HPN: variants seen among roughly 807,000 people sequenced by gnomAD.
The protein encoded by HPN is serine protease hepsin.
A neutral mutation model predicts 55.9 loss-of-function variants in HPN; 13 were observed. The ratio of observed to expected loss-of-function variants is 0.23; its 90% confidence interval spans 0.15 to 0.37. The LOEUF (loss-of-function observed/expected upper bound fraction) is 0.37, where lower values mean the gene tolerates loss of function less well. HPN is among the 10% of genes least tolerant of loss of function. The pLI, the probability that HPN is intolerant of heterozygous loss-of-function variation, is 1.00. For synonymous variants in HPN, 225 were observed against 240.3 expected, an observed-to-expected ratio of 0.94 and a Z score of 0.59; for missense variants, 451 against 575.8, an observed-to-expected ratio of 0.78 and a Z score of 2.22.
chr19:35,059,566 T>C (rs756064133), intron 4 of HPN, 107 bp from the exon 5 acceptor site: 82 of 1,421,726 alleles, frequency 5.8e-5, no homozygotes, highest in Non-Finnish European at 7.2e-5. Flanking sequence ...GGGGTTCACG[T>C]CTACACCACA....
intron 2 of HPN, among the ~76,000 whole-genome samples, chr19:35,048,727 C>T (rs2151756134): frequency 6.6e-6 from 1 of 152,078 alleles, no homozygotes; most frequent in Admixed American, 6.5e-5. Flanking sequence ...GACCACGTCG[C>T]TAAAAAAATT....
chr19:35,063,877 A>G (rs1316365229), intron 9 of HPN, among the ~76,000 whole-genome samples: 3 of 152,148 alleles, frequency 2.0e-5, no homozygotes. Flanking sequence ...AGTTTCCCTT[A>G]TCTGTAAAAT....
intron 9 of HPN, among the ~76,000 whole-genome samples, chr19:35,062,286 A>T (rs1212567092): frequency 2.0e-5 from 3 of 152,192 alleles, no homozygotes; most frequent in Non-Finnish European, 4.4e-5. Context: ...GTCGATCATG[A>T]TCATGGTTGC....
chr19:35,046,151 G>A (rs964870370), intron 2 of HPN, among the ~76,000 whole-genome samples: 3 of 152,224 alleles, frequency 2.0e-5, no homozygotes, highest in African/African-American at 7.2e-5. Context: ...ACAGGCAGGG[G>A]TCAGCCGGCA....
At position 35,049,507 on chromosome 19, in the gene HPN, C is replaced by A. The variant is rs1468174363; in HGVS notation, c.151C>A (p.Leu51Met). 6.2e-7 allele frequency: 1 copy of A among 1,603,096 alleles called. No homozygotes were observed. Among genetic ancestry groups the A allele is most frequent in the Non-Finnish European group, 8.5e-7 (1 of 1,174,426 alleles). Reference sequence around the variant, plus strand: ...TCTCCTCAGGAGTGACCAGGAGCCGCTGTACCCAGGTGAGTGGAGCAGGCT... The same window carrying A: ...TCTCCTCAGGAGTGACCAGGAGCCGATGTACCCAGGTGAGTGGAGCAGGCT... ...AVLLRSDQEP[L>M]YPVQVSSADA... The change falls in exon 4 of 13, where the codon CTG becomes ATG. Residue 51 changes from leucine (L) to methionine (M), a missense_variant. Leu to Met is a conservative substitution (Grantham distance 15). Coordinates refer to ENST00000672452, the MANE Select transcript of HPN (RefSeq NM_001384133.1).
At chr19:35,064,696 T>A (rs893387482) in intron 9 of HPN, among the ~76,000 whole-genome samples, 4 of 152,088 alleles carry the variant, frequency 2.6e-5, no homozygotes, top group African/African-American at 9.7e-5. Context: ...ATTTTCCCCC[T>A]CTCTAAAATG....
chr19:35,054,800 G>A (rs1028311406), intron 4 of HPN, among the ~76,000 whole-genome samples: 5 of 152,162 alleles, frequency 3.3e-5, no homozygotes, highest in African/African-American at 1.2e-4. Context: ...GTGGGGCAGA[G>A]GTAGCCTAGC....
chr19:35,048,086 G>GAAAGAA, intron 2 of HPN, among the ~76,000 whole-genome samples: 1 of 86,464 alleles, frequency 1.2e-5, no homozygotes, highest in African/African-American at 3.6e-5. Context: ...GAAAGAAAAG[G>GAAAGAA]AAGGAAGGAA....
rs1393643799 is a variant in HPN, at chr19:35,066,367, G to GT, written c.*85dup. On this transcript the variant is annotated 3_prime_UTR_variant, in exon 13 of 13. Coordinates refer to ENST00000672452, the MANE Select transcript of HPN (RefSeq NM_001384133.1). ...ATCCACGCTGGGCCTAGGATGGGAC[G>GT]TTTTTCTTCTTGGGCCCGGTCCACA... 3 of 1,532,458 alleles carry GT rather than the reference G, an allele frequency of 2.0e-6. No individual in the cohort carries two copies. The highest frequency in any genetic ancestry group is 8.8e-7 in the Non-Finnish European group (1 of 1,136,710). 94.9% of individuals were successfully genotyped at this position (1,532,458 alleles called of 1,614,324 possible).
Position 35,059,880 on chromosome 19 carries a change from G to A in HPN, c.297G>A (p.Leu99=). Residue 99 remains leucine, a synonymous_variant, in exon 6 of 13, where the codon CTG becomes CTA. Transcript: ENST00000672452. ...TAACCCCTGCCCCGCCCAGGGCACT[G>A]ACCCACTCCGAGCTGGACGTGCGAA... is the stretch of plus-strand genomic sequence containing the variant. ...SCEEMGFLRA[L]THSELDVRTA... The A allele has an allele frequency of 6.7e-7, 1 of 1,502,542 alleles. No individual in the cohort carries two copies. The highest frequency in any genetic ancestry group is 8.9e-7 in the Non-Finnish European group (1 of 1,125,486). The allele number at this position is 1,502,542 out of a possible 1,614,324, so 93.1% of individuals were successfully genotyped here. A position where few individuals can be genotyped will look rare whatever the true frequency, so the allele number is the denominator to read the frequency against.
intron 9 of HPN, among the ~76,000 whole-genome samples, chr19:35,063,404 G>A (rs1370368366): frequency 6.6e-6 from 1 of 152,176 alleles, no homozygotes; most frequent in Non-Finnish European, 1.5e-5. Context: ...AGTGATACAT[G>A]CTTTTCTTTA....
chr19:35,066,063 T>G (rs779612751), intron 12 of HPN, 31 bp downstream of exon 12: 1 of 1,609,394 alleles, frequency 6.2e-7, no homozygotes, highest in Non-Finnish European at 8.5e-7. Flanking sequence ...GGAGCCAGGG[T>G]GGGGACGTTT....
Position 35,041,796 on chromosome 19 carries a change from T to C in HPN, c.-131T>C. 1 of 1,329,564 alleles carries C rather than the reference T, an allele frequency of 7.5e-7. No homozygotes were observed. The highest frequency in any genetic ancestry group is 9.9e-7 in the Non-Finnish European group (1 of 1,012,698). 82.4% of individuals were successfully genotyped at this position (1,329,564 alleles called of 1,614,324 possible). On this transcript the variant is annotated 5_prime_UTR_variant, in exon 1 of 13. An upstream start codon of the reference 5' UTR is lost. Transcript: ENST00000672452. ...GCCGCCCGCTGCTGCGGGGCCACCATGCTCCTGCCCAGGCCTGGAGACTGA... is the reference window on the plus strand; with the variant it reads ...GCCGCCCGCTGCTGCGGGGCCACCACGCTCCTGCCCAGGCCTGGAGACTGA...
At position 35,060,479 on chromosome 19, in the gene HPN, A is replaced by C; in HGVS notation, c.587A>C (p.Asp196Ala). 1 of 1,613,298 alleles carries C rather than the reference A, an allele frequency of 6.2e-7. No individual in the cohort carries two copies. The highest frequency in any genetic ancestry group is 8.5e-7 in the Non-Finnish European group (1 of 1,179,962). ...TGTGGGGGATCCCTGCTCTCCGGGG[A>C]CTGGGTGCTGACAGCCGCCCACTGC... ...HLCGGSLLSG[D>A]WVLTAAHCFP... The change falls in exon 8 of 13, where the codon GAC becomes GCC. Residue 196 changes from aspartate (D) to alanine (A), a missense_variant. Transcript: ENST00000672452.
intron 4 of HPN, among the ~76,000 whole-genome samples, chr19:35,057,449 A>C (rs2064467062): frequency 6.6e-6 from 1 of 151,864 alleles, no homozygotes; most frequent in Non-Finnish European, 1.5e-5. Context: ...AAGTTATCAG[A>C]TGGGAAATGA....
At chr19:35,043,217 G>A (rs181717422) in intron 2 of HPN, among the ~76,000 whole-genome samples, 71 of 152,286 alleles carry the variant, frequency 4.7e-4, no homozygotes, top group African/African-American at 1.6e-3. Flanking sequence ...GGGGAGAGAC[G>A]GCAGAGAAAC....
upstream of HPN, chr19:35,041,656 C>T: frequency 8.6e-7 from 1 of 1,158,890 alleles, no homozygotes; most frequent in Non-Finnish European, 1.1e-6. Context: ...TCCAGTGCTG[C>T]CAATCGAATG....
chr19:35,052,269 T>C (rs1270478034), intron 4 of HPN, among the ~76,000 whole-genome samples: 1 of 152,164 alleles, frequency 6.6e-6, no homozygotes, highest in African/African-American at 2.4e-5. Context: ...GGCTCACCCC[T>C]GTAATCCCAG....
At chr19:35,063,663 C>T (rs924734563) in intron 9 of HPN, among the ~76,000 whole-genome samples, 1 of 152,182 alleles carries the variant, frequency 6.6e-6, no homozygotes, top group East Asian at 1.9e-4. Context: ...GAGCCAAGAT[C>T]GTTGCCACAC....
Sources: gnomAD v4.1 joint callset for allele counts (sites outside exome capture counted in the v4.1 genomes callset) on GRCh38, gnomAD v4.1.1 for gene constraint, MANE v1.5 for transcripts, NCBI Gene and HGNC (gene_info 2026-07-23, HGNC 2026-07-21) for gene names.